Variants in LDLRAD3 observed in about 807,000 individuals in gnomAD.
LDLRAD3 encodes the protein low-density lipoprotein receptor class A domain-containing protein 3.
A neutral mutation model predicts 29.4 loss-of-function variants in LDLRAD3; 20 were observed. The observed-to-expected ratio is 0.68, with a 90% CI of 0.48 to 0.99. The LOEUF (loss-of-function observed/expected upper bound fraction) is 0.99. LDLRAD3 is among the 50% of genes least tolerant of loss of function. The pLI is 0.00. For missense variants in LDLRAD3, 420 were observed against 454.3 expected, an observed-to-expected ratio of 0.92 and a Z score of 0.69; for synonymous variants, 157 against 192.7, an observed-to-expected ratio of 0.81 and a Z score of 1.53.
chr11:36,191,599 TACAC>T lies in LDLRAD3; in HGVS notation c.455-35465_455-35462del, dbSNP rs71044557. ...CTCTATATATATATATATATATATA[TACAC>T]ACACACACACACACACACACGCACG... is the stretch of plus-strand genomic sequence containing the variant. On this transcript the variant is annotated intron_variant, in intron 4 of 5. Coordinates refer to ENST00000315571, the MANE Select transcript of LDLRAD3 (RefSeq NM_174902.4). Among the ~76,000 whole-genome samples, 132 of 93,098 alleles carry T rather than the reference TACAC, an allele frequency of 1.4e-3. 2 individuals are homozygous for T. The highest frequency in any genetic ancestry group is 4.7e-3 in the East Asian group (15 of 3,162). The allele number at this position is 93,098 out of a possible 152,430, so 61.1% of individuals were successfully genotyped here.
At chr11:35,968,288 G>A in intron 1 of LDLRAD3, 1 of 383,072 alleles carries the variant, frequency 2.6e-6, no homozygotes, top group Non-Finnish European at 5.0e-6. Context: ...TGGGAGGAGT[G>A]GATGTGAGCA....
At chr11:36,023,501 C>G (rs1852124810) in intron 1 of LDLRAD3, among the ~76,000 whole-genome samples, 1 of 152,142 alleles carries the variant, frequency 6.6e-6, no homozygotes, top group African/African-American at 2.4e-5. Context: ...TGGTTGCTCT[C>G]TGGGTTTTAG....
At chr11:36,038,433 AT>A (rs1356921219) in intron 2 of LDLRAD3, among the ~76,000 whole-genome samples, 4 of 152,006 alleles carry the variant, frequency 2.6e-5, no homozygotes, top group African/African-American at 7.3e-5. Flanking sequence ...CATACGGATT[AT>A]CGTTAGCTGA....
chr11:36,070,530 G>C (rs1211100960), intron 2 of LDLRAD3, among the ~76,000 whole-genome samples: 1 of 152,190 alleles, frequency 6.6e-6, no homozygotes, highest in Non-Finnish European at 1.5e-5. Context: ...CATGGCCAGA[G>C]TAGGTCCCTC....
chr11:36,204,181 AT>A (rs1855169704), intron 4 of LDLRAD3, among the ~76,000 whole-genome samples: 1 of 152,288 alleles, frequency 6.6e-6, no homozygotes, highest in African/African-American at 2.4e-5. Flanking sequence ...GCATTTTACA[AT>A]GTGCATGTCA....
At chr11:36,100,445 T>G (rs4755433) in intron 4 of LDLRAD3, among the ~76,000 whole-genome samples, 142,699 of 151,992 alleles carry the variant, frequency 0.94, 67,453 homozygotes, top group East Asian at 1. Context: ...TTTCTTTTTT[T>G]GGGGGGATGG....
intron 4 of LDLRAD3, chr11:36,102,035 C>T (rs141560703): frequency 0.068 from 13,078 of 192,414 alleles, 584 homozygotes; most frequent in Non-Finnish European, 0.089. Flanking sequence ...ACTACAGGCG[C>T]CCGCCACTAC....
chr11:36,148,746 A>G (rs938326732), intron 4 of LDLRAD3, among the ~76,000 whole-genome samples: 2 of 152,142 alleles, frequency 1.3e-5, no homozygotes, highest in African/African-American at 4.8e-5. Flanking sequence ...CTCCCAAGCT[A>G]TATCTTCAAA....
intron 1 of LDLRAD3, among the ~76,000 whole-genome samples, chr11:36,019,403 A>G (rs1263444239): frequency 2.0e-5 from 3 of 152,036 alleles, no homozygotes; most frequent in Admixed American, 6.5e-5. Flanking sequence ...GGCATTTCCT[A>G]TGTCAGTCTT....
chr11:35,964,188 T>G (rs1851311224), intron 1 of LDLRAD3, among the ~76,000 whole-genome samples: 1 of 152,230 alleles, frequency 6.6e-6, no homozygotes, highest in Non-Finnish European at 1.5e-5. Flanking sequence ...ACACTCCTAC[T>G]ACTAACCATG....
intron 4 of LDLRAD3, among the ~76,000 whole-genome samples, chr11:36,144,345 C>T (rs1296335726): frequency 2.7e-5 from 4 of 147,852 alleles, no homozygotes; most frequent in South Asian, 2.3e-4. Context: ...TCTGCCCGGC[C>T]GCCACCCCGT....
intron 3 of LDLRAD3, among the ~76,000 whole-genome samples, chr11:36,085,736 T>C (rs1003011101): frequency 6.6e-6 from 1 of 151,908 alleles, no homozygotes; most frequent in Non-Finnish European, 1.5e-5. Context: ...CTCAGCCTCC[T>C]GAGTAGCTGG....
At chr11:36,039,619 T>G (rs1235315464) in intron 2 of LDLRAD3, among the ~76,000 whole-genome samples, 1 of 152,196 alleles carries the variant, frequency 6.6e-6, no homozygotes, top group Non-Finnish European at 1.5e-5. Context: ...TTTTATTTGG[T>G]CGTTGTCATG....
At chr11:36,032,704 C>T in intron 1 of LDLRAD3, among the ~76,000 whole-genome samples, 1 of 152,068 alleles carries the variant, frequency 6.6e-6, no homozygotes, top group East Asian at 1.9e-4. Flanking sequence ...GCCATATGTT[C>T]CCAGGGGGGC....
At chr11:36,227,857 T>C (rs143382203) in intron 5 of LDLRAD3, among the ~76,000 whole-genome samples, 457 of 152,336 alleles carry the variant, frequency 3.0e-3, no homozygotes, top group African/African-American at 0.011. Flanking sequence ...TGCAGAGCAG[T>C]GCCCAGTACA....
chr11:35,979,239 C>T (rs906091436), intron 1 of LDLRAD3, among the ~76,000 whole-genome samples: 2 of 152,126 alleles, frequency 1.3e-5, no homozygotes, highest in African/African-American at 4.8e-5. Flanking sequence ...AGGGCCCGGG[C>T]TCCTAGATGG....
intron 4 of LDLRAD3, among the ~76,000 whole-genome samples, chr11:36,099,766 A>G (rs1174479073): frequency 6.6e-6 from 1 of 152,216 alleles, no homozygotes; most frequent in Non-Finnish European, 1.5e-5. Context: ...AGAGTGGGCT[A>G]CAAACCAAGG....
At chr11:36,219,347 A>G (rs1326821873) in intron 4 of LDLRAD3, among the ~76,000 whole-genome samples, 1 of 152,200 alleles carries the variant, frequency 6.6e-6, no homozygotes, top group African/African-American at 2.4e-5. Context: ...AATCAGAAAT[A>G]AAGTTCATTT....
At chr11:36,146,747 GTC>G (rs1249715192) in intron 4 of LDLRAD3, among the ~76,000 whole-genome samples, 1 of 97,396 alleles carries the variant, frequency 1.0e-5, no homozygotes, top group Non-Finnish European at 2.2e-5. Context: ...AAGATTTCTT[GTC>G]TCTGTGTCCC....
Sources: gnomAD v4.1 joint callset for allele counts (sites outside exome capture counted in the v4.1 genomes callset) on GRCh38, gnomAD v4.1.1 for gene constraint, MANE v1.5 for transcripts, NCBI Gene and HGNC (gene_info 2026-07-23, HGNC 2026-07-21) for gene names.